Variants in NXPH1 observed in about 807,000 individuals in gnomAD.
The protein encoded by NXPH1 is neurexophilin 1.
NXPH1 carries 5 observed loss-of-function variants against 23.7 expected under a neutral mutation model. That is an observed-to-expected ratio of 0.21 (90% CI 0.11 to 0.44). NXPH1 has a LOEUF of 0.44. NXPH1 is among the 20% of genes least tolerant of loss of function. The pLI is 0.99. For synonymous variants in NXPH1, 144 were observed against 122.2 expected (o/e 1.18, Z -1.18); for missense variants, 324 against 321.6 (o/e 1.01, Z -0.06).
chr7:8,434,508 C>T lies in NXPH1; in HGVS notation c.-358C>T, dbSNP rs1816153726. The T allele has an allele frequency of 6.5e-6, 1 of 152,938 alleles. No homozygotes were observed. Among genetic ancestry groups the T allele is most frequent in the Admixed American group, 6.5e-5 (1 of 15,288 alleles). The allele number at this position is 152,938 out of a possible 1,614,324, so 9.5% of individuals were successfully genotyped here. On this transcript the variant is annotated 5_prime_UTR_variant, in exon 1 of 3. Transcript: ENST00000405863. The surrounding 1 kb of genome is among the most constrained non-coding windows in gnomAD (Gnocchi z 7.6). Reference sequence around the variant, plus strand: ...CCTCCCTCTCTTGCCTCTTAAGTTTCCTGCACCGTGAATCCAACTGTGCCA... The same window carrying T: ...CCTCCCTCTCTTGCCTCTTAAGTTTTCTGCACCGTGAATCCAACTGTGCCA...
chr7:8,494,206 G>C (rs978961085), intron 2 of NXPH1, among the ~76,000 whole-genome samples: 1 of 150,252 alleles, frequency 6.7e-6, no homozygotes, highest in African/African-American at 2.4e-5. Flanking sequence ...TTTTTCATAG[G>C]AGAATGATTT....
chr7:8,455,083 G>T (rs1198744899), intron 2 of NXPH1, among the ~76,000 whole-genome samples: 2 of 152,068 alleles, frequency 1.3e-5, no homozygotes, highest in African/African-American at 4.8e-5. Flanking sequence ...ACATGTTTGT[G>T]TCTTAGATTA....
At chr7:8,663,343 T>C (rs10245646) in intron 2 of NXPH1, among the ~76,000 whole-genome samples, 106,063 of 151,898 alleles carry the variant, frequency 0.7, 37,749 homozygotes, top group East Asian at 1. Flanking sequence ...GACATTTAAC[T>C]ATGGGCCCCA....
chr7:8,588,616 C>T (rs979051315), intron 2 of NXPH1, among the ~76,000 whole-genome samples: 1 of 152,044 alleles, frequency 6.6e-6, no homozygotes, highest in Non-Finnish European at 1.5e-5. Context: ...TTCATTAGTT[C>T]CATCTTGGAA....
intron 2 of NXPH1, among the ~76,000 whole-genome samples, chr7:8,622,587 GATA>G (rs1222288493): frequency 1.3e-5 from 2 of 152,104 alleles, no homozygotes; most frequent in Non-Finnish European, 2.9e-5. Context: ...AAATACGAGG[GATA>G]ATTTGACAAA....
At chr7:8,639,367 A>T (rs1018906128) in intron 2 of NXPH1, among the ~76,000 whole-genome samples, 1 of 152,170 alleles carries the variant, frequency 6.6e-6, no homozygotes, top group Non-Finnish European at 1.5e-5. Context: ...GATTCCAGAC[A>T]CTACAAACAA....
At chr7:8,561,580 A>G (rs759142916) in intron 2 of NXPH1, among the ~76,000 whole-genome samples, 4 of 151,640 alleles carry the variant, frequency 2.6e-5, no homozygotes, top group Non-Finnish European at 5.9e-5. Context: ...GTCGAGTCAC[A>G]TGGTATAGGG....
At chr7:8,533,972 A>T (rs1182588038) in intron 2 of NXPH1, among the ~76,000 whole-genome samples, 1 of 152,154 alleles carries the variant, frequency 6.6e-6, no homozygotes, top group Non-Finnish European at 1.5e-5. Context: ...CCCCAGAATA[A>T]ACAAACAAGC....
intron 2 of NXPH1, among the ~76,000 whole-genome samples, chr7:8,508,387 C>T (rs571278879): frequency 1.3e-5 from 2 of 152,208 alleles, no homozygotes; most frequent in Non-Finnish European, 2.9e-5. Flanking sequence ...TATTATCTCC[C>T]TCATAGGGTA....
At chr7:8,451,007 A>G (rs1171501444) in intron 2 of NXPH1, among the ~76,000 whole-genome samples, 1 of 152,190 alleles carries the variant, frequency 6.6e-6, no homozygotes, top group Non-Finnish European at 1.5e-5. Context: ...ACTTTAAAAA[A>G]TGCCAAATCT....
rs182183671 is a variant in NXPH1 at position 8,518,180 on chromosome 7, A to G, written c.54+82413A>G. On this transcript the variant is annotated intron_variant, in intron 2 of 2. Transcript: ENST00000405863. ...ATATTACTAAAGGGTACAGGTCAATATGAAATTCAAGGAAAAACCCAGACT... is the reference window on the plus strand; with the variant it reads ...ATATTACTAAAGGGTACAGGTCAATGTGAAATTCAAGGAAAAACCCAGACT... 1.3e-3 allele frequency among the ~76,000 whole-genome samples: 203 copies of G among 152,312 alleles called. 1 individual carries two copies. The highest frequency in any genetic ancestry group is 4.5e-3 in the African/African-American group (185 of 41,572).
chr7:8,483,917 T>C (rs1041237863), intron 2 of NXPH1, among the ~76,000 whole-genome samples: 2 of 151,576 alleles, frequency 1.3e-5, no homozygotes, highest in African/African-American at 4.9e-5. Context: ...TTATGGCCAT[T>C]CCTATGCAAG....
intron 2 of NXPH1, among the ~76,000 whole-genome samples, chr7:8,440,636 A>G (rs1453145306): frequency 2.0e-5 from 3 of 152,120 alleles, no homozygotes; most frequent in Non-Finnish European, 4.4e-5. Context: ...AATTGACAGC[A>G]TTGTCCGGGT....
intron 2 of NXPH1, among the ~76,000 whole-genome samples, chr7:8,526,451 G>C (rs917937661): frequency 3.9e-5 from 6 of 152,166 alleles, no homozygotes; most frequent in Admixed American, 1.3e-4. Flanking sequence ...GGGACTGTTG[G>C]GAAGGCATGA....
intron 2 of NXPH1, among the ~76,000 whole-genome samples, chr7:8,533,859 C>A (rs1584216921): frequency 6.6e-6 from 1 of 152,218 alleles, no homozygotes; most frequent in East Asian, 1.9e-4. Context: ...GAAGAAGGAG[C>A]TGGTGAGAGG....
chr7:8,587,857 T>G (rs1052653873), intron 2 of NXPH1, among the ~76,000 whole-genome samples: 1 of 152,190 alleles, frequency 6.6e-6, no homozygotes, highest in South Asian at 2.1e-4. Context: ...GGTGTATATG[T>G]GTCACATTTT....
At chr7:8,445,980 C>G (rs1017820923) in intron 2 of NXPH1, among the ~76,000 whole-genome samples, 1 of 152,192 alleles carries the variant, frequency 6.6e-6, no homozygotes, top group Admixed American at 6.5e-5. Context: ...GAAAATGATT[C>G]TTCTCCTTGT....
chr7:8,465,350 A>G lies in NXPH1; in HGVS notation c.54+29583A>G, dbSNP rs111311433. 7.8e-3 allele frequency among the ~76,000 whole-genome samples: 1,193 copies of G among 152,266 alleles called. 6 individuals are homozygous for G. Among genetic ancestry groups the G allele is most frequent in the African/African-American group, 0.026 (1,097 of 41,528 alleles). On this transcript the variant is annotated intron_variant, in intron 2 of 2. Transcript: ENST00000405863. ...AGTGGAATTTTCTACTCGCTCCTCT[A>G]TGCTCAGGTGACATTGGGGATTGTG... is the stretch of plus-strand genomic sequence containing the variant.
At chr7:8,748,108 A>T (rs1340669964) in intron 2 of NXPH1, among the ~76,000 whole-genome samples, 1 of 152,180 alleles carries the variant, frequency 6.6e-6, no homozygotes, top group African/African-American at 2.4e-5. Context: ...CTCCTCTCCC[A>T]AGGAATATTT....
Sources: allele counts gnomAD v4.1 joint callset (sites outside exome capture counted in the v4.1 genomes callset), GRCh38; gene constraint gnomAD v4.1.1; non-coding constraint Gnocchi (gnomAD v3.1); transcripts MANE v1.5; gene names NCBI Gene and HGNC (gene_info 2026-07-23, HGNC 2026-07-21).